The following MPRIP variants were observed in gnomAD, a reference collection of about 807,000 sequenced individuals.
The protein encoded by MPRIP is myosin phosphatase Rho-interacting protein.
In MPRIP, 59 loss-of-function variants were observed where a neutral mutation model predicts 234.9. That is an observed-to-expected ratio of 0.25 (90% CI 0.20 to 0.31). The LOEUF is 0.31. MPRIP is among the 10% of genes least tolerant of loss of function. MPRIP has a pLI of 1.00. For synonymous variants in MPRIP, 1,144 were observed against 1,263.9 expected (o/e 0.91, Z 2.01); for missense variants, 2,436 against 3,071.0 (o/e 0.79, Z 4.89).
At chr17:17,123,914 C>A (rs982732457) in intron 3 of MPRIP, among the ~76,000 whole-genome samples, 41 of 152,120 alleles carry the variant, frequency 2.7e-4, no homozygotes, top group African/African-American at 9.4e-4. Flanking sequence ...AGGTGATGCC[C>A]GCCTCACAGT....
At position 17,091,399 on chromosome 17, in the gene MPRIP, C is replaced by T. The variant is rs148758736; in HGVS notation, c.267+13323C>T. On this transcript the variant is annotated intron_variant, in intron 3 of 23. Transcript: ENST00000651222. Reference sequence around the variant, plus strand: ...TATCACTCCCAGTAGGCTTCAGAGACAGATGCCGCTTGCTCCGTGCAGCAT... The same window carrying T: ...TATCACTCCCAGTAGGCTTCAGAGATAGATGCCGCTTGCTCCGTGCAGCAT... 2.4e-3 allele frequency among the ~76,000 whole-genome samples: 364 copies of T among 152,256 alleles called. 1 individual carries two copies. Among genetic ancestry groups the T allele is most frequent in the Non-Finnish European group, 3.9e-3 (262 of 68,008 alleles).
chr17:17,063,301 C>T (rs934376907), intron 1 of MPRIP, among the ~76,000 whole-genome samples: 1 of 152,194 alleles, frequency 6.6e-6, no homozygotes, highest in African/African-American at 2.4e-5. Flanking sequence ...TGGAGCCCAA[C>T]TTTGTACTGG....
intron 23 of MPRIP, among the ~76,000 whole-genome samples, chr17:17,184,400 GT>G (rs1267874774): frequency 6.6e-6 from 1 of 152,184 alleles, no homozygotes; most frequent in Non-Finnish European, 1.5e-5. Flanking sequence ...GGAGCATCTG[GT>G]CCTCCTCAGC....
intron 3 of MPRIP, among the ~76,000 whole-genome samples, chr17:17,123,332 T>A (rs1005682230): frequency 6.6e-6 from 1 of 152,050 alleles, no homozygotes; most frequent in Admixed American, 6.6e-5. Flanking sequence ...TTAGGTAAAT[T>A]GTATGTAAAT....
At chr17:17,105,793 A>C (rs1469147151) in intron 3 of MPRIP, among the ~76,000 whole-genome samples, 5 of 152,232 alleles carry the variant, frequency 3.3e-5, no homozygotes, top group African/African-American at 1.2e-4. Context: ...TGGCCTAGGC[A>C]GGGCCTTCCT....
intron 1 of MPRIP, among the ~76,000 whole-genome samples, chr17:17,052,545 G>A (rs563028303): frequency 1.3e-5 from 2 of 152,250 alleles, no homozygotes; most frequent in African/African-American, 2.4e-5. Flanking sequence ...AGTCCAGCAC[G>A]ATTTTTTCCA....
intron 3 of MPRIP, among the ~76,000 whole-genome samples, chr17:17,110,167 C>G (rs1028235253): frequency 1.3e-5 from 2 of 152,068 alleles, no homozygotes; most frequent in Admixed American, 1.3e-4. Context: ...TTCTCACTCC[C>G]GCCCTCCTCT....
chr17:17,133,052 C>G (rs901586066), intron 5 of MPRIP, among the ~76,000 whole-genome samples: 1 of 152,186 alleles, frequency 6.6e-6, no homozygotes, highest in Non-Finnish European at 1.5e-5. Flanking sequence ...TCAGCCCAGT[C>G]CAGGGAACTT....
rs71355536 is a variant in MPRIP at position 17,082,285 on chromosome 17, A to ATTTTTTTT, written c.267+4229_267+4236dup. ...AAAAGCTGATCAAATGCTTTTTCCA[A>ATTTTTTTT]TTTTTTTTTTTTTTTTTTTTTTTTT... is the stretch of plus-strand genomic sequence containing the variant. On this transcript the variant is annotated intron_variant, in intron 3 of 23. Coordinates refer to ENST00000651222, the MANE Select transcript of MPRIP (RefSeq NM_001364716.4). Among the ~76,000 whole-genome samples the ATTTTTTTT allele has an allele frequency of 8.6e-4, 76 of 88,706 alleles. 7 individuals are homozygous for ATTTTTTTT. The highest frequency in any genetic ancestry group is 2.9e-3 in the African/African-American group (64 of 21,738). 58.2% of individuals were successfully genotyped at this position (88,706 alleles called of 152,430 possible).
intron 1 of MPRIP, among the ~76,000 whole-genome samples, chr17:17,047,791 C>T (rs749798011): frequency 2.1e-4 from 32 of 151,958 alleles, no homozygotes; most frequent in Non-Finnish European, 4.6e-4. Flanking sequence ...CCCTTATGGA[C>T]GTAGAGGGAG....
chr17:17,113,954 G>A (rs1467211301), intron 3 of MPRIP, among the ~76,000 whole-genome samples: 6 of 146,158 alleles, frequency 4.1e-5, no homozygotes, highest in East Asian at 2.0e-4. Context: ...GTGCAGTGGT[G>A]CCATCACAGC....
intron 9 of MPRIP, among the ~76,000 whole-genome samples, chr17:17,144,161 A>G (rs1245651546): frequency 6.6e-6 from 1 of 152,188 alleles, no homozygotes; most frequent in African/African-American, 2.4e-5. Flanking sequence ...GTACAGGAGC[A>G]AGGCCAACTC....
intron 1 of MPRIP, among the ~76,000 whole-genome samples, chr17:17,072,468 A>T (rs2089219744): frequency 6.6e-6 from 1 of 152,170 alleles, no homozygotes; most frequent in South Asian, 2.1e-4. Context: ...GGGGGGCAAG[A>T]CATGTCATAG....
chr17:17,169,190 A>G (rs1294455083), intron 16 of MPRIP: 3 of 362,576 alleles, frequency 8.3e-6, no homozygotes, highest in African/African-American at 2.1e-5. Flanking sequence ...CACTGTGGTC[A>G]GTTCACCAAG....
chr17:17,112,480 A>T (rs2090192304), intron 3 of MPRIP, among the ~76,000 whole-genome samples: 1 of 152,194 alleles, frequency 6.6e-6, no homozygotes, highest in African/African-American at 2.4e-5. Flanking sequence ...ATGGAGTTAA[A>T]GGATTTGGGG....
chr17:17,061,798 C>A (rs759740736), intron 1 of MPRIP, among the ~76,000 whole-genome samples: 7 of 152,076 alleles, frequency 4.6e-5, no homozygotes, highest in Non-Finnish European at 1.5e-5. Flanking sequence ...GCCCAGCAGC[C>A]CTTGGACTGA....
chr17:17,080,681 G>A (rs1473477100), intron 3 of MPRIP, among the ~76,000 whole-genome samples: 1 of 152,248 alleles, frequency 6.6e-6, no homozygotes, highest in African/African-American at 2.4e-5. Context: ...GAAGGCTCCA[G>A]CCCAAAATGT....
chr17:17,156,318 A>G (rs2045728672), intron 13 of MPRIP, among the ~76,000 whole-genome samples: 1 of 152,368 alleles, frequency 6.6e-6, no homozygotes, highest in Non-Finnish European at 1.5e-5. Context: ...TGGCTCTCAC[A>G]TGAAAGTTGA....
At chr17:17,059,057 T>G (rs980986894) in intron 1 of MPRIP, among the ~76,000 whole-genome samples, 7 of 152,230 alleles carry the variant, frequency 4.6e-5, no homozygotes, top group African/African-American at 1.7e-4. Context: ...GTATTAGAAG[T>G]TAAAACTGAA....
Sources: gnomAD v4.1 joint callset for allele counts (sites outside exome capture counted in the v4.1 genomes callset) on GRCh38, gnomAD v4.1.1 for gene constraint, MANE v1.5 for transcripts, NCBI Gene and HGNC (gene_info 2026-07-23, HGNC 2026-07-21) for gene names.